Variants in DNHD1 observed in about 807,000 individuals in gnomAD.
The protein encoded by DNHD1 is dynein heavy chain domain-containing protein 1.
A neutral mutation model predicts 458.1 loss-of-function variants in DNHD1; 383 were observed. The observed-to-expected ratio is 0.84, with a 90% CI of 0.77 to 0.91. The LOEUF (loss-of-function observed/expected upper bound fraction) is 0.91, where lower values mean the gene tolerates loss of function less well. Among genes scored for constraint, DNHD1 ranks in the 40% least tolerant of loss-of-function variants. The pLI is 0.00. For missense variants in DNHD1, 5,336 were observed against 5,866.1 expected (o/e 0.91, Z 2.95); for synonymous variants, 2,203 against 2,376.9 (o/e 0.93, Z 2.13).
At chr11:6,535,217 A>G (rs1352389659) in intron 14 of DNHD1, among the ~76,000 whole-genome samples, 3 of 152,088 alleles carry the variant, frequency 2.0e-5, no homozygotes, top group South Asian at 4.1e-4. Flanking sequence ...TTGTATTTCT[A>G]TTGCATTTTA....
rs1208265806 is a variant in DNHD1, at chr11:6,571,301, C to A, written c.13789C>A (p.Arg4597Ser). The change falls in exon 42 of 43, where the codon CGT (arginine) becomes AGT (serine). Residue 4597 changes from arginine (R) to serine (S), a missense_variant. Physicochemically the swap from Arg to Ser is moderately radical, Grantham distance 110 (BLOSUM62 -1). This residue lies in a region of DNHD1 where 698 missense variants were observed against 664.9 expected (regional missense o/e 1.05). Transcript: ENST00000254579. This position sits in a 1 kb window ranked among gnomAD's most constrained non-coding sequence, Gnocchi z 5.0. ...RHPRRLLLAL[R>S]GEAALDQNVP... ...CCCGCGCCGCCTGCTGCTGGCATTG[C>A]GTGGGGAAGCTGCCCTGGACCAGAA... The A allele has an allele frequency of 1.2e-6, 2 of 1,612,154 alleles. No individual in the cohort carries two copies. Among genetic ancestry groups the A allele is most frequent in the Non-Finnish European group, 1.7e-6 (2 of 1,179,552 alleles).
In DNHD1 at chr11:6,544,614, G is replaced by T; in HGVS notation, c.3795G>T (p.Trp1265Cys). ...TGTGGCTGACTTTCCAGCAGAAGTGGATTTTTCTGAATAAAGTTCTGCATG... is the reference window on the plus strand; with the variant it reads ...TGTGGCTGACTTTCCAGCAGAAGTGTATTTTTCTGAATAAAGTTCTGCATG... Reference protein sequence around the residue: ...LEVWLTFQQKWIFLNKVLHEM... With the variant: ...LEVWLTFQQKCIFLNKVLHEM... Residue 1265 changes from tryptophan (W) to cysteine (C), a missense_variant, in exon 20 of 43, where the codon TGG becomes TGT. Trp to Cys is a radical substitution (Grantham distance 215). Coordinates refer to ENST00000254579, the MANE Select transcript of DNHD1 (RefSeq NM_144666.3). 1.3e-6 allele frequency: 2 copies of T among 1,551,518 alleles called. No homozygotes were observed. Among genetic ancestry groups the T allele is most frequent in the Non-Finnish European group, 1.7e-6 (2 of 1,146,964 alleles).
intron 36 of DNHD1, 88 bp from the exon 37 acceptor site, chr11:6,567,968 T>C (rs1416754776): frequency 2.7e-6 from 4 of 1,482,170 alleles, no homozygotes; most frequent in Admixed American, 2.3e-5. Flanking sequence ...CGTAGGGACT[T>C]TGGGGATCAT....
At chr11:6,566,165 C>T in intron 33 of DNHD1, 76 bp from the exon 34 acceptor site, 3 of 1,523,222 alleles carry the variant, frequency 2.0e-6, no homozygotes. Flanking sequence ...CTGGTCAGAG[C>T]CAGACCTCGT....
intron 6 of DNHD1, 41 bp downstream of exon 6, chr11:6,509,313 T>C (rs1852291706): frequency 1.3e-6 from 2 of 1,532,020 alleles, no homozygotes; most frequent in Admixed American, 3.9e-5. Context: ...TTTTTAAAAA[T>C]TAGTTTTACT....
chr11:6,571,523 C>T lies in DNHD1; in HGVS notation c.13911+100C>T. The T allele has an allele frequency of 6.9e-7, 1 of 1,459,588 alleles. No individual in the cohort carries two copies. The highest frequency in any genetic ancestry group is 9.1e-7 in the Non-Finnish European group (1 of 1,095,528). The allele number at this position is 1,459,588 out of a possible 1,614,324, so 90.4% of individuals were successfully genotyped here. A position where few individuals can be genotyped will look rare whatever the true frequency, so the allele number is the denominator to read the frequency against. On this transcript the variant is annotated intron_variant, in intron 42 of 42. Coordinates refer to ENST00000254579, the MANE Select transcript of DNHD1 (RefSeq NM_144666.3). The surrounding 1 kb of genome is among the most constrained non-coding windows in gnomAD (Gnocchi z 5.0). ...CTTGGTGATCTTGCCCCCGGTAACC[C>T]TGCTAGCTTCTCCGATCTCGCTTCA...
intron 10 of DNHD1, among the ~76,000 whole-genome samples, chr11:6,523,075 C>CA (rs1156996476): frequency 6.6e-6 from 1 of 152,120 alleles, no homozygotes. Context: ...GTGTCAGATT[C>CA]AAAAACCTTA....
At chr11:6,535,057 A>T (rs1852916352) in intron 14 of DNHD1, among the ~76,000 whole-genome samples, 1 of 152,094 alleles carries the variant, frequency 6.6e-6, no homozygotes, top group African/African-American at 2.4e-5. Flanking sequence ...TTCCTTCCAG[A>T]ATTCTTATAT....
rs762349463 is a variant in DNHD1, at chr11:6,498,873, T to A, written c.658T>A (p.Leu220Met). ...GCTGGATGGACTTAGTCTCCTTCCCTTGGCACTGGCAGCGGACATCCCTGT... is the reference window on the plus strand; with the variant it reads ...GCTGGATGGACTTAGTCTCCTTCCCATGGCACTGGCAGCGGACATCCCTGT... ...VWLDGLSLLP[L>M]ALAADIPVRY... Residue 220 changes from leucine to methionine, a missense_variant, in exon 3 of 43, where the codon TTG becomes ATG. Physicochemically the swap from Leu to Met is conservative, Grantham distance 15 (BLOSUM62 2). Around this residue, in one of 4 missense-constraint regions of DNHD1, gnomAD observed 3,932 missense variants for 4,365.6 expected, o/e 0.90. Coordinates refer to ENST00000254579, the MANE Select transcript of DNHD1 (RefSeq NM_144666.3). 37 of 1,614,120 alleles carry A rather than the reference T, an allele frequency of 2.3e-5. No individual in the cohort carries two copies. Among genetic ancestry groups the A allele is most frequent in the Non-Finnish European group, 3.4e-6 (4 of 1,180,054 alleles).
chr11:6,501,045 G>A (rs183993912), intron 3 of DNHD1, among the ~76,000 whole-genome samples: 3 of 152,230 alleles, frequency 2.0e-5, no homozygotes, highest in Admixed American at 6.5e-5. Flanking sequence ...ATCAAACAGA[G>A]TTTCAAGGAG....
In DNHD1 at chr11:6,534,137, C is replaced by A; in HGVS notation, c.2962C>A (p.Leu988Ile). Reference protein sequence around the residue: ...ERQFQNTVSDLSELHHAYAIF... With the variant: ...ERQFQNTVSDISELHHAYAIF... ...TCAGTTCCAGAACACAGTCAGCGAC[C>A]TCAGTGAACTGCACCACGCCTATGC... The change falls in exon 14 of 43, where the codon CTC (leucine) becomes ATC (isoleucine). Residue 988 changes from leucine to isoleucine, a missense_variant. This residue lies in a region of DNHD1 where 3,932 missense variants were observed against 4,365.6 expected (regional missense o/e 0.90). Transcript: ENST00000254579. 1 of 1,551,270 alleles carries A rather than the reference C, an allele frequency of 6.4e-7. No homozygotes were observed. The highest frequency in any genetic ancestry group is 8.7e-7 in the Non-Finnish European group (1 of 1,146,924).
intron 7 of DNHD1, among the ~76,000 whole-genome samples, chr11:6,512,521 C>T (rs1852367162): frequency 6.6e-6 from 1 of 151,998 alleles, no homozygotes. Flanking sequence ...CGCGCCTGGC[C>T]GACTGCAAGG....
rs1411651849 is a variant in DNHD1 at position 6,571,892 on chromosome 11, G to A, written c.14168G>A (p.Arg4723Lys). Residue 4723 changes from arginine (R) to lysine (K), a missense_variant, in exon 43 of 43, where the codon AGG (arginine) becomes AAG (lysine). Arg to Lys is a conservative substitution (Grantham distance 26). Around this residue, in one of 4 missense-constraint regions of DNHD1, gnomAD observed 698 missense variants for 664.9 expected, o/e 1.05. Transcript: ENST00000254579. The surrounding 1 kb of genome is among the most constrained non-coding windows in gnomAD (Gnocchi z 5.0). The part of the protein sequence containing the change: ...GPLGTAKLQS[R>K]NIVMHLPLPT... ...CTTGGCACCGCTAAGCTGCAGAGCAGGAACATCGTGATGCATCTGCCTTTA... is the reference window on the plus strand; with the variant it reads ...CTTGGCACCGCTAAGCTGCAGAGCAAGAACATCGTGATGCATCTGCCTTTA... 1 of 1,614,058 alleles carries A rather than the reference G, an allele frequency of 6.2e-7. No homozygotes were observed. The highest frequency in any genetic ancestry group is 2.2e-5 in the East Asian group (1 of 44,886).
chr11:6,506,908 C>T (rs530628878), intron 4 of DNHD1, among the ~76,000 whole-genome samples: 2 of 152,198 alleles, frequency 1.3e-5, no homozygotes, highest in Admixed American at 6.5e-5. Flanking sequence ...CAGTAATATT[C>T]GTTGAATGAA....
chr11:6,519,882 G>T, intron 8 of DNHD1, 28 bp downstream of exon 8: 1 of 1,612,852 alleles, frequency 6.2e-7, no homozygotes. Context: ...ATGTGTGGAG[G>T]TGGCAGGCAG....
Position 6,563,929 on chromosome 11 carries a change from C to T in DNHD1, c.10089C>T (p.Arg3363=). Residue 3363 remains arginine (R), a synonymous_variant, in exon 31 of 43, where the codon CGC becomes CGT. Coordinates refer to ENST00000254579, the MANE Select transcript of DNHD1 (RefSeq NM_144666.3). ...VEATLTREQA[R]LGYYQFQAQE... ...CAACACTCACTCGGGAGCAGGCCCG[C>T]CTGGGCTACTACCAGTTTCAGGCCC... 6.4e-7 allele frequency: 1 copy of T among 1,551,690 alleles called. No homozygotes were observed. Among genetic ancestry groups the T allele is most frequent in the Non-Finnish European group, 8.7e-7 (1 of 1,146,986 alleles).
Position 6,565,967 on chromosome 11 carries a change from C to T in DNHD1, c.11029C>T (p.Gln3677Ter), listed in dbSNP as rs1351357587. The change falls in exon 33 of 43, where the codon CAG (glutamine) becomes TAG (stop). Residue 3677 changes from glutamine to a stop codon, truncating the protein, a stop_gained. Transcript: ENST00000254579. LOFTEE classifies it high-confidence loss of function. ...LSGADPELGS[Q>*]LQEAAACGLP... ...AGGTGCTGACCCAGAGCTGGGTTCT[C>T]AGCTCCAGGAGGCAGCTGCTTGTGG... is the stretch of plus-strand genomic sequence containing the variant. The T allele has an allele frequency of 1.3e-6, 2 of 1,551,676 alleles. No individual in the cohort carries two copies. The highest frequency in any genetic ancestry group is 2.4e-5 in the East Asian group (1 of 40,924).
chr11:6,528,429 G>GTGTT, intron 10 of DNHD1, 93 bp from the exon 11 acceptor site: 1 of 1,334,098 alleles, frequency 7.5e-7, no homozygotes, highest in South Asian at 1.5e-5. Flanking sequence ...GTGTGTGTGT[G>GTGTT]TGTGTGTACA....
chr11:6,563,846 T>C lies in DNHD1; in HGVS notation c.10006T>C (p.Tyr3336His), dbSNP rs774187365. Residue 3336 changes from tyrosine (Y) to histidine (H), a missense_variant, in exon 31 of 43, where the codon TAT becomes CAT. By Grantham distance (83) the Tyr-to-His change is moderately conservative. Around this residue, in one of 4 missense-constraint regions of DNHD1, gnomAD observed 3,932 missense variants for 4,365.6 expected, o/e 0.90. Coordinates refer to ENST00000254579, the MANE Select transcript of DNHD1 (RefSeq NM_144666.3). ...LAAWLWAVLHYGLAHCRGLPT... is the reference protein window; with the variant it reads ...LAAWLWAVLHHGLAHCRGLPT... ...AGCCTGGCTCTGGGCTGTTCTGCAC[T>C]ATGGGCTGGCGCATTGCCGGGGACT... is the stretch of plus-strand genomic sequence containing the variant. The C allele has an allele frequency of 5.2e-5, 80 of 1,551,586 alleles. No individual in the cohort carries two copies. Among genetic ancestry groups the C allele is most frequent in the Non-Finnish European group, 3.6e-5 (41 of 1,147,012 alleles).
Sources: allele counts gnomAD v4.1 joint callset (sites outside exome capture counted in the v4.1 genomes callset), GRCh38; gene constraint gnomAD v4.1.1; regional missense constraint gnomAD v4.1.1; non-coding constraint Gnocchi (gnomAD v3.1); transcripts MANE v1.5; gene names NCBI Gene and HGNC (gene_info 2026-07-23, HGNC 2026-07-21).